The following VGLL2 variants were observed in gnomAD, a reference collection of about 807,000 sequenced individuals.
VGLL2 encodes transcription cofactor vestigial-like protein 2.
A neutral mutation model predicts 27.0 loss-of-function variants in VGLL2; 18 were observed. That is an observed-to-expected ratio of 0.67 (90% CI 0.46 to 0.99). VGLL2 has a LOEUF of 0.99. VGLL2 is among the 50% of genes least tolerant of loss of function. The pLI is 0.00. For synonymous variants in VGLL2, 220 were observed against 201.1 expected (o/e 1.09, Z -0.80); for missense variants, 491 against 452.3 (o/e 1.09, Z -0.78).
intron 3 of VGLL2, 125 bp downstream of exon 3, chr6:117,271,189 C>A: frequency 2.2e-6 from 2 of 899,406 alleles, no homozygotes; most frequent in Non-Finnish European, 2.9e-6. Context: ...ATCTGCATGC[C>A]ACGGTCGTGT....
Position 117,268,408 on chromosome 6 carries a change from T to A in VGLL2, c.308T>A (p.Phe103Tyr). The change falls in exon 2 of 4, where the codon TTC becomes TAC. Residue 103 changes from phenylalanine to tyrosine, a missense_variant. Coordinates refer to ENST00000326274, the MANE Select transcript of VGLL2 (RefSeq NM_182645.3). Reference protein sequence around the residue: ...GDISSVVDEHFSRALSQPSSY... With the variant: ...GDISSVVDEHYSRALSQPSSY... ...ATCAGCTCCGTGGTGGATGAACATT[T>A]CAGCAGGGCCCTGAGCCAACCCAGC... 2 of 1,613,940 alleles carry A rather than the reference T, an allele frequency of 1.2e-6. No homozygotes were observed. Among genetic ancestry groups the A allele is most frequent in the Non-Finnish European group, 1.7e-6 (2 of 1,179,976 alleles).
Position 117,273,101 on chromosome 6 carries a change from C to T in VGLL2, c.*607C>T, listed in dbSNP as rs780422252. ...GTGGCAAGTGGCTTATCTGGAGCCA[C>T]CTGCCCAAGTCTTACTAAAATGCAG... On this transcript the variant is annotated 3_prime_UTR_variant, in exon 4 of 4. Coordinates refer to ENST00000326274, the MANE Select transcript of VGLL2 (RefSeq NM_182645.3). 2 of 152,824 alleles carry T rather than the reference C, an allele frequency of 1.3e-5. No homozygotes were observed. Among genetic ancestry groups the T allele is most frequent in the Non-Finnish European group, 2.9e-5 (2 of 68,260 alleles). The allele number at this position is 152,824 out of a possible 1,614,324, so 9.5% of individuals were successfully genotyped here.
chr6:117,265,794 T>G lies in VGLL2; in HGVS notation c.31T>G (p.Tyr11Asp). ...CTGTCTGGATGTTATGTACCAAGTC[T>G]ATGGTCCTCCGCAGCCCTACTTCGC... MSCLDVMYQV[Y>D]GPPQPYFAAA... Residue 11 changes from tyrosine to aspartate, a missense_variant, in exon 1 of 4, where the codon TAT becomes GAT. Coordinates refer to ENST00000326274, the MANE Select transcript of VGLL2 (RefSeq NM_182645.3). 1.9e-6 allele frequency: 3 copies of G among 1,614,138 alleles called. No individual in the cohort carries two copies. Among genetic ancestry groups the G allele is most frequent in the Non-Finnish European group, 1.7e-6 (2 of 1,179,982 alleles).
chr6:117,271,033 G>C lies in VGLL2; in HGVS notation c.882G>C (p.Val294=). 8.1e-7 allele frequency: 1 copy of C among 1,232,000 alleles called. No homozygotes were observed. Among genetic ancestry groups the C allele is most frequent in the Non-Finnish European group, 1.0e-6 (1 of 989,900 alleles). 76.3% of individuals were successfully genotyped at this position (1,232,000 alleles called of 1,614,324 possible). A position where few individuals can be genotyped will look rare whatever the true frequency, so the allele number is the denominator to read the frequency against. ...GGPFASPSGD[V]AQGLGLSVDS... ...CCTTCGCGAGCCCCTCGGGGGACGT[G>C]GCCCAGGGTCTGGGCCTCAGCGTGG... The change falls in exon 3 of 4, where the codon GTG becomes GTC. Residue 294 remains valine (V), a synonymous_variant. Coordinates refer to ENST00000326274, the MANE Select transcript of VGLL2 (RefSeq NM_182645.3).
chr6:117,269,306 G>GA (rs1293146741), intron 2 of VGLL2, among the ~76,000 whole-genome samples: 1 of 152,080 alleles, frequency 6.6e-6, no homozygotes, highest in Non-Finnish European at 1.5e-5. Flanking sequence ...AAAGGTGGGG[G>GA]AACCATTAAG....
intron 3 of VGLL2, among the ~76,000 whole-genome samples, chr6:117,271,859 C>T (rs1773207911): frequency 6.6e-6 from 1 of 152,120 alleles, no homozygotes; most frequent in Non-Finnish European, 1.5e-5. Flanking sequence ...AATCCTAAGT[C>T]TTTGGCTTAA....
At position 117,265,644 on chromosome 6, in the gene VGLL2, G is replaced by A; in HGVS notation, c.-120G>A. 1.2e-6 allele frequency: 1 copy of A among 809,288 alleles called. No homozygotes were observed. Among genetic ancestry groups the A allele is most frequent in the Non-Finnish European group, 2.1e-6 (1 of 484,810 alleles). 50.1% of individuals were successfully genotyped at this position (809,288 alleles called of 1,614,324 possible). On this transcript the variant is annotated 5_prime_UTR_variant, in exon 1 of 4. Coordinates refer to ENST00000326274, the MANE Select transcript of VGLL2 (RefSeq NM_182645.3). ...TGGATTCCGAGCCGCGGAGCGCGCT[G>A]GCTTTGCTCCGCCTGATGACTCCAG...
rs757180168 is a variant in VGLL2, at chr6:117,270,536, C to T, written c.392-7C>T. ...TCCTCCACTCCGCCTCCCCGGCCGG[C>T]CTACAGACTGCTCCTTCCCGATGAG... On this transcript the variant is annotated splice_region_variant and splice_polypyrimidine_tract_variant and intron_variant, in intron 2 of 3. Transcript: ENST00000326274. 3 of 1,589,382 alleles carry T rather than the reference C, an allele frequency of 1.9e-6. No individual in the cohort carries two copies. Among genetic ancestry groups the T allele is most frequent in the Middle Eastern group, 3.3e-4 (2 of 6,024 alleles).
chr6:117,267,706 C>T (rs73563069), intron 1 of VGLL2, among the ~76,000 whole-genome samples: 3,537 of 152,320 alleles, frequency 0.023, 101 homozygotes, highest in East Asian at 0.12. Context: ...GGTTGCCCCC[C>T]GCTCCTATTT....
At chr6:117,266,989 T>C (rs1490805627) in intron 1 of VGLL2, among the ~76,000 whole-genome samples, 2 of 152,212 alleles carry the variant, frequency 1.3e-5, no homozygotes, top group South Asian at 2.1e-4. Context: ...GTTCCTCTTG[T>C]AGGGAAGGTG....
chr6:117,268,025 C>A (rs921254574), intron 1 of VGLL2, among the ~76,000 whole-genome samples, 157 bp from the exon 2 acceptor site: 14 of 152,244 alleles, frequency 9.2e-5, no homozygotes, highest in African/African-American at 3.4e-4. Context: ...AACTATGTTG[C>A]CCCGCTATTG....
chr6:117,272,373 T>C (rs991238393), intron 3 of VGLL2, 81 bp from the exon 4 acceptor site: 1 of 1,612,762 alleles, frequency 6.2e-7, no homozygotes, highest in African/African-American at 1.3e-5. Context: ...TTCTTCCCTG[T>C]AGGTCTCTGC....
chr6:117,265,951 G>C (rs1304673957), intron 1 of VGLL2, 107 bp downstream of exon 1: 1 of 1,054,000 alleles, frequency 9.5e-7, no homozygotes. Flanking sequence ...TCGGGCGTCC[G>C]ACCACGACCG....
chr6:117,270,675 A>G lies in VGLL2; in HGVS notation c.524A>G (p.Asp175Gly). The G allele has an allele frequency of 6.5e-7, 1 of 1,549,810 alleles. No individual in the cohort carries two copies. Among genetic ancestry groups the G allele is most frequent in the Non-Finnish European group, 8.7e-7 (1 of 1,155,900 alleles). ...TCGGAGCTGCCCTTCGCCGCCGCCG[A>G]CCCCTACTCGCCCGCCGCGCTGCAT... ...AHSELPFAAA[D>G]PYSPAALHGH... Residue 175 changes from aspartate to glycine, a missense_variant, in exon 3 of 4, where the codon GAC (aspartate) becomes GGC (glycine). Physicochemically the swap from Asp to Gly is moderately conservative, Grantham distance 94. Coordinates refer to ENST00000326274, the MANE Select transcript of VGLL2 (RefSeq NM_182645.3).
At position 117,270,602 on chromosome 6, in the gene VGLL2, C is replaced by G. The variant is rs1240546098; in HGVS notation, c.451C>G (p.Gln151Glu). Residue 151 changes from glutamine (Q) to glutamate (E), a missense_variant, in exon 3 of 4, where the codon CAG (glutamine) becomes GAG (glutamate). By Grantham distance (29) the Gln-to-Glu change is conservative. Transcript: ENST00000326274. Reference protein sequence around the residue: ...FPASFWNSAYQAPVPPPLGSP... With the variant: ...FPASFWNSAYEAPVPPPLGSP... ...CGCCTCCTTCTGGAATAGCGCGTAC[C>G]AGGCGCCAGTGCCCCCGCCGCTGGG... The G allele has an allele frequency of 2.5e-6, 4 of 1,583,494 alleles. No individual in the cohort carries two copies. Among genetic ancestry groups the G allele is most frequent in the African/African-American group, 1.4e-5 (1 of 73,302 alleles).
chr6:117,265,701 C>G lies in VGLL2; in HGVS notation c.-63C>G, dbSNP rs1773051663. 6.8e-7 allele frequency: 1 copy of G among 1,464,514 alleles called. No individual in the cohort carries two copies. The highest frequency in any genetic ancestry group is 1.7e-5 in the Admixed American group (1 of 58,672). The allele number at this position is 1,464,514 out of a possible 1,614,324, so 90.7% of individuals were successfully genotyped here. On this transcript the variant is annotated 5_prime_UTR_variant, in exon 1 of 4. Coordinates refer to ENST00000326274, the MANE Select transcript of VGLL2 (RefSeq NM_182645.3). Reference sequence around the variant, plus strand: ...GGTCCAAGCGCCGCCCATGCAGCACCCCTGAGCTCCGGGGAAGGAGAGTTA... The same window carrying G: ...GGTCCAAGCGCCGCCCATGCAGCACGCCTGAGCTCCGGGGAAGGAGAGTTA...
rs1403207204 is a variant in VGLL2, at chr6:117,268,598, A to T, written c.391+107A>T. On this transcript the variant is annotated intron_variant, in intron 2 of 3. Transcript: ENST00000326274. ...AGCTGAAAAGAATATTAGGTGTCAG[A>T]GAAGGTGTGCAGAGGAGCATTTGGA... is the stretch of plus-strand genomic sequence containing the variant. The T allele has an allele frequency of 1.7e-5, 21 of 1,261,214 alleles. No homozygotes were observed. In the Admixed American group the frequency reaches 6.0e-4, roughly 36 times the overall value. 78.1% of individuals were successfully genotyped at this position (1,261,214 alleles called of 1,614,324 possible).
chr6:117,271,966 T>C (rs1773210653), intron 3 of VGLL2, among the ~76,000 whole-genome samples: 1 of 152,176 alleles, frequency 6.6e-6, no homozygotes, highest in South Asian at 2.1e-4. Context: ...ATAAGTGCAA[T>C]CACTGGCTTT....
In VGLL2 at chr6:117,270,994, C is replaced by G; in HGVS notation, c.843C>G (p.Ala281=). Residue 281 remains alanine, a synonymous_variant, in exon 3 of 4, where the codon GCC becomes GCG. Transcript: ENST00000326274. ...GKGEPAGAAW[A]GPGGPFASPS... is the part of the protein sequence containing the mutation. ...GCGAGCCGGCGGGCGCCGCGTGGGC[C>G]GGGCCCGGGGGACCCTTCGCGAGCC... 6 of 1,232,720 alleles carry G rather than the reference C, an allele frequency of 4.9e-6. No individual in the cohort carries two copies. Among genetic ancestry groups the G allele is most frequent in the Non-Finnish European group, 6.1e-6 (6 of 991,178 alleles). The allele number at this position is 1,232,720 out of a possible 1,614,324, so 76.4% of individuals were successfully genotyped here.
Sources: gnomAD v4.1 joint callset for allele counts (sites outside exome capture counted in the v4.1 genomes callset) on GRCh38, gnomAD v4.1.1 for gene constraint, MANE v1.5 for transcripts, NCBI Gene and HGNC (gene_info 2026-07-23, HGNC 2026-07-21) for gene names.